The following KLHL3 variants were observed in gnomAD, a reference collection of about 807,000 sequenced individuals.
KLHL3 encodes the protein kelch like family member 3, also known as kelch-like protein 3.
In KLHL3, 19 loss-of-function variants were observed where a neutral mutation model predicts 70.5. The observed-to-expected ratio is 0.27, with a 90% CI of 0.19 to 0.40. The LOEUF is 0.40. Ranked by LOEUF, KLHL3 falls within the 10% of genes least tolerant of loss-of-function variation. The pLI is 1.00. For synonymous variants in KLHL3, 258 were observed against 290.3 expected (o/e 0.89, Z 1.13); for missense variants, 512 against 771.1 (o/e 0.66, Z 3.98).
intron 8 of KLHL3, among the ~76,000 whole-genome samples, chr5:137,650,112 G>C (rs1454233794): frequency 1.3e-5 from 2 of 152,218 alleles, no homozygotes; most frequent in Admixed American, 6.5e-5. Flanking sequence ...CTTTGGTGAT[G>C]ATGACCAGGA....
At chr5:137,716,727 C>A (rs916942496) in intron 2 of KLHL3, among the ~76,000 whole-genome samples, 1 of 152,186 alleles carries the variant, frequency 6.6e-6, no homozygotes, top group Non-Finnish European at 1.5e-5. Flanking sequence ...ACTGCGCAAT[C>A]TCAAAAAAGA....
Position 137,625,298 on chromosome 5 carries a change from C to T in KLHL3, c.1735+455G>A, listed in dbSNP as rs941530970. ...CTCACCAGTCTTTCATGTGCTAAAACCTGTCTAGCGTATGTCATTTAGAAC... is the reference window on the plus strand; with the variant it reads ...CTCACCAGTCTTTCATGTGCTAAAATCTGTCTAGCGTATGTCATTTAGAAC... On this transcript the variant is annotated intron_variant, in intron 14 of 14. Transcript: ENST00000309755. Among the ~76,000 whole-genome samples the T allele has an allele frequency of 2.6e-5, 4 of 152,244 alleles. No individual in the cohort carries two copies. The East Asian group carries it at 5.8e-4, about 22-fold the overall frequency.
In KLHL3 at chr5:137,639,531, T is replaced by C. The variant is rs1035914901; in HGVS notation, c.1021+329A>G. 6.6e-6 allele frequency among the ~76,000 whole-genome samples: 1 copy of C among 151,698 alleles called. No individual in the cohort carries two copies. Among genetic ancestry groups the C allele is most frequent in the Non-Finnish European group, 1.5e-5 (1 of 67,906 alleles). On this transcript the variant is annotated intron_variant, in intron 9 of 14. Coordinates refer to ENST00000309755, the MANE Select transcript of KLHL3 (RefSeq NM_017415.3). This position sits in a 1 kb window ranked among gnomAD's most constrained non-coding sequence, Gnocchi z 5.0. ...CCAAAATGGTGAAACCCGTCTCTAC[T>C]AAAAATGCAAAAATTAGCTGGGCAT... is the stretch of plus-strand genomic sequence containing the variant.
In KLHL3 at chr5:137,639,729, G is replaced by T; in HGVS notation, c.1021+131C>A. The T allele has an allele frequency of 1.9e-5, 11 of 584,732 alleles. No homozygotes were observed. Among genetic ancestry groups the T allele is most frequent in the Non-Finnish European group, 3.0e-5 (10 of 334,880 alleles). 36.2% of individuals were successfully genotyped at this position (584,732 alleles called of 1,614,324 possible). On this transcript the variant is annotated intron_variant, in intron 9 of 14. Transcript: ENST00000309755. This position sits in a 1 kb window ranked among gnomAD's most constrained non-coding sequence, Gnocchi z 5.0. Reference sequence around the variant, plus strand: ...CAACAACCAAAAAAAAAAAAAAAGTGTGCAGGAGGGAAACGAATGGGAGCC... The same window carrying T: ...CAACAACCAAAAAAAAAAAAAAAGTTTGCAGGAGGGAAACGAATGGGAGCC...
At chr5:137,659,406 T>C (rs1052947298) in intron 7 of KLHL3, among the ~76,000 whole-genome samples, 128 of 152,274 alleles carry the variant, frequency 8.4e-4, no homozygotes, top group African/African-American at 2.9e-3. Flanking sequence ...CTGGGCAGCA[T>C]TGGAGCTGGC....
rs183080991 is a variant in KLHL3 at position 137,647,679 on chromosome 5, G to A, written c.904-7702C>T. 1,333 of 444,702 alleles carry A rather than the reference G, an allele frequency of 3.0e-3. 4 individuals are homozygous for A. Among genetic ancestry groups the A allele is most frequent in the Admixed American group, 4.8e-3 (196 of 40,760 alleles). The allele number at this position is 444,702 out of a possible 1,614,324, so 27.5% of individuals were successfully genotyped here. ...AACAATTCATCCGATGGAGCATGTC[G>A]AGGTCGAGCCAGAAGACTTGTCCAA... On this transcript the variant is annotated intron_variant, in intron 8 of 14. Transcript: ENST00000309755.
At position 137,640,088 on chromosome 5, in the gene KLHL3, C is replaced by A. The variant is rs1476528926; in HGVS notation, c.904-111G>T. The A allele has an allele frequency of 5.7e-6, 5 of 870,446 alleles. No homozygotes were observed. The South Asian group carries it at 6.0e-5, about 10-fold the overall frequency. 53.9% of individuals were successfully genotyped at this position (870,446 alleles called of 1,614,324 possible). On this transcript the variant is annotated intron_variant, in intron 8 of 14. Transcript: ENST00000309755. Reference sequence around the variant, plus strand: ...CAGGGTGTGTGGATGATCTGAGATGCCAGTTTACAGAGCTACATACATGGG... The same window carrying A: ...CAGGGTGTGTGGATGATCTGAGATGACAGTTTACAGAGCTACATACATGGG...
At chr5:137,644,395 C>A (rs1363424508) in intron 8 of KLHL3, among the ~76,000 whole-genome samples, 1 of 152,114 alleles carries the variant, frequency 6.6e-6, no homozygotes, top group Non-Finnish European at 1.5e-5. Flanking sequence ...AGTATATATA[C>A]CTCATTTTAA....
Position 137,619,030 on chromosome 5 carries a change from T to C in KLHL3, c.*3068A>G, listed in dbSNP as rs3813314. 99,880 of 152,304 alleles carry C rather than the reference T, an allele frequency of 0.66. 33,062 individuals are homozygous for C. Among genetic ancestry groups the C allele is most frequent in the South Asian group, 0.72 (3,460 of 4,826 alleles). The allele number at this position is 152,304 out of a possible 1,614,324, so 9.4% of individuals were successfully genotyped here. On this transcript the variant is annotated 3_prime_UTR_variant, in exon 15 of 15. Coordinates refer to ENST00000309755, the MANE Select transcript of KLHL3 (RefSeq NM_017415.3). ...ATGCAAAGAACACAACATTTCATTA[T>C]CATGGACAATAAAAAGCGATTCAAA...
intron 8 of KLHL3, among the ~76,000 whole-genome samples, chr5:137,646,452 G>A (rs1028898120): frequency 1.3e-5 from 2 of 152,190 alleles, no homozygotes; most frequent in African/African-American, 4.8e-5. Flanking sequence ...ATCATGCAGA[G>A]TAAAAAGAAT....
intron 12 of KLHL3, among the ~76,000 whole-genome samples, chr5:137,630,806 C>T (rs2075086956): frequency 6.6e-6 from 1 of 152,170 alleles, no homozygotes; most frequent in South Asian, 2.1e-4. Flanking sequence ...GCACCAAGTC[C>T]CGGGCCTCCT....
intron 4 of KLHL3, 73 bp from the exon 5 acceptor site, chr5:137,692,520 C>T: frequency 7.1e-7 from 1 of 1,405,114 alleles, no homozygotes; most frequent in Non-Finnish European, 1.0e-6. Flanking sequence ...CCTATCATAT[C>T]ACTCCCATGC....
chr5:137,635,361 C>T (rs1750741476), intron 11 of KLHL3, among the ~76,000 whole-genome samples: 1 of 152,174 alleles, frequency 6.6e-6, no homozygotes, highest in Non-Finnish European at 1.5e-5. Flanking sequence ...CCTGACTAAG[C>T]AGCTCTTCTA....
In KLHL3 at chr5:137,633,977, A is replaced by T. The variant is rs931197519; in HGVS notation, c.1450+60T>A. 5.6e-6 allele frequency: 9 copies of T among 1,609,938 alleles called. No individual in the cohort carries two copies. The Middle Eastern group carries it at 1.3e-3, about 237-fold the overall frequency. ...TCTAAATCTAAAATAAAACAAAAAA[A>T]TTTAAGGACCCACTTGTGAGCAAAT... On this transcript the variant is annotated intron_variant, in intron 12 of 14. Transcript: ENST00000309755.
At chr5:137,629,047 C>T (rs1469390468) in intron 12 of KLHL3, 1 of 152,206 alleles carries the variant, frequency 6.6e-6, no homozygotes, top group East Asian at 1.9e-4. Flanking sequence ...CAGAAGCTGA[C>T]CTTTCTGCCC....
chr5:137,689,051 A>C (rs1057492916), intron 5 of KLHL3, among the ~76,000 whole-genome samples: 5 of 152,254 alleles, frequency 3.3e-5, no homozygotes, highest in Non-Finnish European at 7.3e-5. Flanking sequence ...AAGTTGGGAA[A>C]AGCCAGGCCA....
At chr5:137,713,100 C>T (rs548610015) in intron 2 of KLHL3, among the ~76,000 whole-genome samples, 1 of 147,380 alleles carries the variant, frequency 6.8e-6, no homozygotes, top group Admixed American at 6.9e-5. Context: ...GTTACATGGT[C>T]CTGGAATTCA....
chr5:137,652,347 A>G (rs568361282), intron 8 of KLHL3, among the ~76,000 whole-genome samples: 128 of 152,364 alleles, frequency 8.4e-4, no homozygotes, highest in African/African-American at 2.9e-3. Context: ...TCAGTATGTC[A>G]GAGAGATATC....
intron 5 of KLHL3, among the ~76,000 whole-genome samples, chr5:137,691,881 G>A (rs1223572794): frequency 6.6e-6 from 1 of 151,990 alleles, no homozygotes; most frequent in Non-Finnish European, 1.5e-5. Flanking sequence ...GCCTCCCAAA[G>A]TGCTGGGATT....
Sources: gnomAD v4.1 joint callset for allele counts (sites outside exome capture counted in the v4.1 genomes callset) on GRCh38, gnomAD v4.1.1 for gene constraint, Gnocchi (gnomAD v3.1) non-coding constraint, MANE v1.5 for transcripts, NCBI Gene and HGNC (gene_info 2026-07-23, HGNC 2026-07-21) for gene names.